NOL4: variants seen among roughly 807,000 people sequenced by gnomAD.
The protein encoded by NOL4 is nucleolar protein 4.
Under a neutral mutation model 75.9 loss-of-function variants are expected in NOL4, and 17 were observed. That is an observed-to-expected ratio of 0.22 (90% CI 0.15 to 0.34). The LOEUF (loss-of-function observed/expected upper bound fraction) is 0.34. NOL4 is among the 10% of genes least tolerant of loss of function. The pLI, the probability that NOL4 is intolerant of heterozygous loss-of-function variation, is 1.00. For missense variants in NOL4, 614 were observed against 793.5 expected (o/e 0.77, Z 2.72); for synonymous variants, 292 against 289.9 (o/e 1.01, Z -0.07).
chr18:33,953,927 C>T (rs1029066589), intron 8 of NOL4, among the ~76,000 whole-genome samples: 4 of 152,076 alleles, frequency 2.6e-5, no homozygotes, highest in Non-Finnish European at 4.4e-5. Context: ...TGAGGAGGAA[C>T]AGAAACAACA....
At chr18:34,195,205 T>G (rs1216044889) in intron 1 of NOL4, among the ~76,000 whole-genome samples, 1 of 152,182 alleles carries the variant, frequency 6.6e-6, no homozygotes, top group Non-Finnish European at 1.5e-5. Context: ...CCAAATCTTC[T>G]AATTACAGCC....
At chr18:34,072,170 A>G (rs2077550770) in intron 5 of NOL4, among the ~76,000 whole-genome samples, 1 of 152,174 alleles carries the variant, frequency 6.6e-6, no homozygotes, top group African/African-American at 2.4e-5. Context: ...GGTTGCAGTG[A>G]GCTGAGATCA....
chr18:34,110,128 CAAAAAAAAAAAAAAA>C lies in NOL4; in HGVS notation c.415-4983_415-4969del, dbSNP rs57576599. On this transcript the variant is annotated intron_variant, in intron 2 of 10. Coordinates refer to ENST00000261592, the MANE Select transcript of NOL4 (RefSeq NM_003787.5). ...AACTCCTTCCATCCCCGCCCTCCCA[CAAAAAAAAAAAAAAA>C]AAAAAAAAAAAAAAAAAAAATACTG... Among the ~76,000 whole-genome samples, 38 of 47,862 alleles carry C rather than the reference CAAAAAAAAAAAAAAA, an allele frequency of 7.9e-4. 1 individual carries two copies. The highest frequency in any genetic ancestry group is 4.9e-3 in the South Asian group (3 of 618). The allele number at this position is 47,862 out of a possible 152,430, so 31.4% of individuals were successfully genotyped here. A position where few individuals can be genotyped will look rare whatever the true frequency, so the allele number is the denominator to read the frequency against.
At chr18:34,143,275 T>C (rs2081262628) in intron 1 of NOL4, among the ~76,000 whole-genome samples, 1 of 152,082 alleles carries the variant, frequency 6.6e-6, no homozygotes, top group African/African-American at 2.4e-5. Context: ...ACATAATACA[T>C]AAGGTTATAA....
At chr18:34,196,114 C>T (rs1414773445) in intron 1 of NOL4, among the ~76,000 whole-genome samples, 2 of 152,034 alleles carry the variant, frequency 1.3e-5, no homozygotes, top group African/African-American at 4.8e-5. Flanking sequence ...GTGTTAACTG[C>T]AAAATATCAG....
chr18:34,210,184 TTAAG>T (rs376975307), intron 1 of NOL4, among the ~76,000 whole-genome samples: 23 of 152,228 alleles, frequency 1.5e-4, no homozygotes, highest in African/African-American at 4.8e-4. Context: ...ACAAAGATCT[TTAAG>T]TATGAGTCAT....
intron 5 of NOL4, among the ~76,000 whole-genome samples, chr18:34,022,851 A>C (rs2075125052): frequency 1.3e-5 from 2 of 152,100 alleles, no homozygotes; most frequent in African/African-American, 4.8e-5. Context: ...TCAATCTGAA[A>C]TCATTATGTA....
chr18:33,956,483 C>G (rs2069656627), intron 8 of NOL4, among the ~76,000 whole-genome samples: 1 of 152,100 alleles, frequency 6.6e-6, no homozygotes, highest in Admixed American at 6.6e-5. Flanking sequence ...ATCACAAACA[C>G]TAACAGCCTA....
intron 2 of NOL4, among the ~76,000 whole-genome samples, chr18:34,115,055 C>A (rs1405958979): frequency 6.6e-6 from 1 of 152,094 alleles, no homozygotes; most frequent in African/African-American, 2.4e-5. Flanking sequence ...GAGTCCTCGG[C>A]AGAATTTCTG....
rs533122893 is a variant in NOL4, at chr18:34,180,342, A to C, written c.264+42648T>G. On this transcript the variant is annotated intron_variant, in intron 1 of 10. Transcript: ENST00000261592. ...AAATGCAAAGCTGATGGAATAGATA[A>C]AAATTAGCAATGTAATATCTCATAA... 1.2e-3 allele frequency among the ~76,000 whole-genome samples: 179 copies of C among 151,780 alleles called. 3 individuals are homozygous for C. The South Asian group carries it at 0.036, about 31-fold the overall frequency.
At chr18:34,104,991 A>C in intron 3 of NOL4, 58 bp downstream of exon 3, 1 of 1,035,008 alleles carries the variant, frequency 9.7e-7, no homozygotes, top group Non-Finnish European at 1.5e-6. Flanking sequence ...AATGTGAGAT[A>C]CAAATGGCCA....
chr18:34,155,412 A>G (rs1210232905), intron 1 of NOL4, among the ~76,000 whole-genome samples: 1 of 151,968 alleles, frequency 6.6e-6, no homozygotes, highest in Non-Finnish European at 1.5e-5. Flanking sequence ...AATGCAGGAA[A>G]ACTGAAGTTT....
intron 5 of NOL4, among the ~76,000 whole-genome samples, chr18:34,083,193 G>A (rs1458909222): frequency 3.3e-5 from 5 of 152,194 alleles, no homozygotes; most frequent in African/African-American, 1.2e-4. Context: ...TCTTCATAGA[G>A]GAAAAAGAAG....
At chr18:33,974,190 CCT>C (rs1568153085) in intron 6 of NOL4, among the ~76,000 whole-genome samples, 3 of 152,120 alleles carry the variant, frequency 2.0e-5, no homozygotes, top group Non-Finnish European at 4.4e-5. Context: ...CTGGTGAAGG[CCT>C]CTTTCCTTAA....
intron 5 of NOL4, among the ~76,000 whole-genome samples, chr18:34,022,546 C>A (rs151067063): frequency 6.6e-6 from 1 of 151,876 alleles, no homozygotes; most frequent in Non-Finnish European, 1.5e-5. Context: ...CAAATTCTTA[C>A]GCTAAATTAT....
At chr18:33,886,769 ATC>A (rs2064689198) in intron 9 of NOL4, among the ~76,000 whole-genome samples, 1 of 139,580 alleles carries the variant, frequency 7.2e-6, no homozygotes, top group African/African-American at 2.6e-5. Context: ...ATATAGATAT[ATC>A]TATATATATA....
At chr18:34,027,704 G>T (rs531001369) in intron 5 of NOL4, among the ~76,000 whole-genome samples, 1 of 152,218 alleles carries the variant, frequency 6.6e-6, no homozygotes, top group Admixed American at 6.5e-5. Flanking sequence ...AGGTAGTGAG[G>T]ACCTTACTTT....
chr18:34,094,706 C>G (rs575234156), intron 4 of NOL4, among the ~76,000 whole-genome samples: 3 of 152,246 alleles, frequency 2.0e-5, no homozygotes, highest in Admixed American at 1.3e-4. Flanking sequence ...TTGATCTGAA[C>G]GTTTAACACG....
intron 9 of NOL4, among the ~76,000 whole-genome samples, chr18:33,930,952 T>A (rs1484367783): frequency 6.6e-6 from 1 of 152,156 alleles, no homozygotes; most frequent in Non-Finnish European, 1.5e-5. Flanking sequence ...TGATACTTAA[T>A]TGCCTTATCC....
Sources: gnomAD v4.1 joint callset for allele counts (sites outside exome capture counted in the v4.1 genomes callset) on GRCh38, gnomAD v4.1.1 for gene constraint, MANE v1.5 for transcripts, NCBI Gene and HGNC (gene_info 2026-07-23, HGNC 2026-07-21) for gene names.